The following PRH1 variants were observed in gnomAD, a reference collection of about 807,000 sequenced individuals.
The protein encoded by PRH1 is salivary acidic proline-rich phosphoprotein 1/2.
In PRH1, 7 loss-of-function variants were observed where a neutral mutation model predicts 7.9. That is an observed-to-expected ratio of 0.89 (90% CI 0.50 to 1.67). The LOEUF is 1.67. Ranked by LOEUF, PRH1 falls within the 40% of genes most tolerant of loss-of-function variation. The pLI, the probability that PRH1 is intolerant of heterozygous loss-of-function variation, is 0.00. For missense variants in PRH1, 109 were observed against 223.6 expected, an observed-to-expected ratio of 0.49 and a Z score of 3.27; for synonymous variants, 45 against 80.8, an observed-to-expected ratio of 0.56 and a Z score of 2.38.
intron 1 of PRH1, among the ~76,000 whole-genome samples, chr12:11,059,147 A>G (rs141174360): frequency 2.0e-4 from 31 of 152,278 alleles, no homozygotes; most frequent in African/African-American, 7.5e-4. Context: ...CTGAGCAGAT[A>G]CATTCTCCAT....
intron 1 of PRH1, among the ~76,000 whole-genome samples, chr12:11,110,018 A>C (rs1945540382): frequency 1.3e-5 from 2 of 152,158 alleles, no homozygotes; most frequent in Non-Finnish European, 2.9e-5. Context: ...AACTTTGTGA[A>C]GCATACACAA....
At chr12:10,923,098 G>C (rs1288351693) in intron 2 of PRH1, among the ~76,000 whole-genome samples, 1 of 148,802 alleles carries the variant, frequency 6.7e-6, no homozygotes, top group Non-Finnish European at 1.5e-5. Flanking sequence ...AAAGTGCTGG[G>C]ATTACAGGCG....
At chr12:11,165,854 C>T (rs1947559152) in intron 1 of PRH1, among the ~76,000 whole-genome samples, 1 of 152,232 alleles carries the variant, frequency 6.6e-6, no homozygotes, top group Non-Finnish European at 1.5e-5. Context: ...TGCTCAGCTT[C>T]AAGAGTCCAC....
intron 2 of PRH1, chr12:10,909,282 G>A (rs759310016): frequency 6.2e-6 from 10 of 1,611,978 alleles, no homozygotes; most frequent in Middle Eastern, 1.6e-4. Context: ...GAAGATACTC[G>A]GCAGGGCACT....
chr12:11,131,779 T>A (rs200123150), intron 1 of PRH1, among the ~76,000 whole-genome samples: 6,491 of 88,538 alleles, frequency 0.073, no homozygotes, highest in Non-Finnish European at 0.1. Flanking sequence ...GATAAGCCTG[T>A]AATCTTAACC....
chr12:10,988,843 A>G (rs1302464751), intron 1 of PRH1, among the ~76,000 whole-genome samples: 1 of 151,972 alleles, frequency 6.6e-6, no homozygotes, highest in Non-Finnish European at 1.5e-5. Context: ...GTCTCGCTCT[A>G]TCACCCAGGC....
chr12:10,993,707 C>G (rs1264116986), intron 1 of PRH1, among the ~76,000 whole-genome samples: 1 of 152,212 alleles, frequency 6.6e-6, no homozygotes, highest in East Asian at 1.9e-4. Flanking sequence ...CCAAAGGCTA[C>G]TGGTCTCAAG....
chr12:11,025,399 C>T (rs1208930655), intron 1 of PRH1, among the ~76,000 whole-genome samples: 2 of 152,264 alleles, frequency 1.3e-5, no homozygotes, highest in Non-Finnish European at 2.9e-5. Context: ...TTCCTGCTTC[C>T]ATGTTTTCTG....
chr12:11,146,158 A>C (rs945556565), intron 1 of PRH1, among the ~76,000 whole-genome samples: 1 of 152,066 alleles, frequency 6.6e-6, no homozygotes, highest in Non-Finnish European at 1.5e-5. Flanking sequence ...ATACCTTTTT[A>C]GTATTTTTAT....
Position 10,930,901 on chromosome 12 carries a change from C to T in PRH1, c.-59+42754G>A, listed in dbSNP as rs755257336. ...AGGAAGGCCACAAGGACCACCCCAA[C>T]AGGGAGGCCATCCCCGTCCTCCTCG... is the stretch of plus-strand genomic sequence containing the variant. On this transcript the variant is annotated intron_variant, in intron 2 of 3. Transcript: ENST00000539853. The T allele has an allele frequency of 1.6e-4, 262 of 1,610,830 alleles. No homozygotes were observed. The Admixed American group carries it at 4.3e-3, about 26-fold the overall frequency.
chr12:11,055,792 A>G (rs912049252), intron 1 of PRH1, among the ~76,000 whole-genome samples: 1 of 152,268 alleles, frequency 6.6e-6, no homozygotes, highest in East Asian at 1.9e-4. Flanking sequence ...ATCCTACATC[A>G]GATGCCTACA....
intron 1 of PRH1, among the ~76,000 whole-genome samples, chr12:11,006,618 T>C (rs1036572346): frequency 3.9e-5 from 6 of 152,146 alleles, no homozygotes; most frequent in South Asian, 4.2e-4. Context: ...AAATGATAAG[T>C]AGAAATTTTA....
intron 2 of PRH1, among the ~76,000 whole-genome samples, chr12:10,939,551 GTTT>G (rs60186756): frequency 0.017 from 2,113 of 123,288 alleles, 16 homozygotes; most frequent in South Asian, 0.023. Flanking sequence ...TGGTTTGTGT[GTTT>G]TTTTTTTTTT....
intron 1 of PRH1, among the ~76,000 whole-genome samples, chr12:11,045,351 C>T (rs898265657): frequency 6.6e-6 from 1 of 150,660 alleles, no homozygotes; most frequent in Non-Finnish European, 1.5e-5. Flanking sequence ...ATTAATAAGA[C>T]CTACTATTTG....
At chr12:11,153,046 C>T (rs192392109) in intron 1 of PRH1, among the ~76,000 whole-genome samples, 61 of 152,206 alleles carry the variant, frequency 4.0e-4, no homozygotes, top group African/African-American at 1.3e-3. Flanking sequence ...CCCTGGCATG[C>T]GGTGACACAA....
intron 1 of PRH1, among the ~76,000 whole-genome samples, chr12:11,152,871 C>G (rs1947142003): frequency 1.3e-5 from 2 of 152,194 alleles, no homozygotes; most frequent in African/African-American, 4.8e-5. Context: ...AGCTACACTT[C>G]AAGTACAGCT....
intron 1 of PRH1, among the ~76,000 whole-genome samples, chr12:11,058,541 T>C (rs1943457493): frequency 1.3e-5 from 2 of 152,294 alleles, no homozygotes; most frequent in South Asian, 2.1e-4. Context: ...TTTGAGAATA[T>C]TGCTCTGACT....
At chr12:11,168,200 C>CAGAAAGAAA (rs200680037) in intron 1 of PRH1, among the ~76,000 whole-genome samples, 1 of 36,396 alleles carries the variant, frequency 2.7e-5, no homozygotes, top group African/African-American at 5.3e-5. Context: ...TGGCAAAAAA[C>CAGAAAGAAA]GAAAGAAAGA....
Position 11,077,747 on chromosome 12 carries a change from T to C in PRH1, n.124-30559A>G, listed in dbSNP as rs191128311. The C allele has an allele frequency of 3.5e-4, 420 of 1,212,824 alleles. 17 individuals are homozygous for C. The African/African-American group carries it at 5.6e-3, about 16-fold the overall frequency. The allele number at this position is 1,212,824 out of a possible 1,614,324, so 75.1% of individuals were successfully genotyped here. A position where few individuals can be genotyped will look rare whatever the true frequency, so the allele number is the denominator to read the frequency against. On this transcript the variant is annotated intron_variant and non_coding_transcript_variant, in intron 1 of 4. Coordinates refer to the PRH1 transcript ENST00000541977. ...AGGTGTATTGCATTCCTCAATTTGA[T>C]CTTCCAAGTCACATTTCCTTCATAT...
Sources: gnomAD v4.1 joint callset for allele counts (sites outside exome capture counted in the v4.1 genomes callset) on GRCh38, gnomAD v4.1.1 for gene constraint, MANE v1.5 for transcripts, NCBI Gene and HGNC (gene_info 2026-07-23, HGNC 2026-07-21) for gene names.